The following ARHGEF3 variants were observed in gnomAD, a reference collection of about 807,000 sequenced individuals.
ARHGEF3 encodes 59.8 kDA protein.
ARHGEF3 carries 28 observed loss-of-function variants against 63.2 expected under a neutral mutation model. That is an observed-to-expected ratio of 0.44 (90% confidence interval 0.33 to 0.61). ARHGEF3 has a LOEUF of 0.61. Among genes scored for constraint, ARHGEF3 ranks in the 20% least tolerant of loss-of-function variants. The pLI, the probability that ARHGEF3 is intolerant of heterozygous loss-of-function variation, is 0.03. For synonymous variants in ARHGEF3, 266 were observed against 254.2 expected (o/e 1.05, Z -0.44); for missense variants, 533 against 659.3 (o/e 0.81, Z 2.10).
chr3:56,972,990 G>A (rs12492712), intron 2 of ARHGEF3, among the ~76,000 whole-genome samples: 1 of 151,336 alleles, frequency 6.6e-6, no homozygotes, highest in Non-Finnish European at 1.5e-5. Flanking sequence ...TGGGGGTGGT[G>A]AGGAGTAGTG....
intron 1 of ARHGEF3, among the ~76,000 whole-genome samples, chr3:57,042,727 C>A (rs1362619231): frequency 8.7e-6 from 1 of 115,198 alleles, no homozygotes; most frequent in Non-Finnish European, 1.7e-5. Context: ...GACGGAGTCT[C>A]GCTCTGTCGC....
At chr3:56,777,111 T>G (rs2036321967) in intron 1 of ARHGEF3, among the ~76,000 whole-genome samples, 1 of 152,238 alleles carries the variant, frequency 6.6e-6, no homozygotes, top group South Asian at 2.1e-4. Context: ...TTCTTGGTTC[T>G]ACAGTGATTA....
At chr3:56,924,252 T>C (rs2042222783) in intron 3 of ARHGEF3, among the ~76,000 whole-genome samples, 2 of 152,206 alleles carry the variant, frequency 1.3e-5, no homozygotes. Context: ...GAGAACTAGT[T>C]GCTTCCAAAT....
chr3:57,042,950 G>A (rs1704290505), intron 1 of ARHGEF3, among the ~76,000 whole-genome samples: 1 of 151,268 alleles, frequency 6.6e-6, no homozygotes, highest in African/African-American at 2.4e-5. Context: ...GCCCTCCTCA[G>A]CCTCCCAAAG....
intron 1 of ARHGEF3, among the ~76,000 whole-genome samples, chr3:57,058,050 G>A (rs768152702): frequency 2.0e-5 from 3 of 152,160 alleles, no homozygotes; most frequent in Non-Finnish European, 2.9e-5. Flanking sequence ...CCCTTCAGTC[G>A]TGTCCTTGCC....
chr3:57,001,508 C>T (rs1357438571), intron 2 of ARHGEF3, among the ~76,000 whole-genome samples: 1 of 152,152 alleles, frequency 6.6e-6, no homozygotes, highest in Non-Finnish European at 1.5e-5. Context: ...CAACACGTTC[C>T]CAAGTTGCAA....
At chr3:56,730,570 A>G (rs2033076663) in intron 9 of ARHGEF3, among the ~76,000 whole-genome samples, 1 of 151,986 alleles carries the variant, frequency 6.6e-6, no homozygotes, top group African/African-American at 2.4e-5. Context: ...TAGTAGAGAC[A>G]GGGTTTTGCC....
chr3:56,829,788 GC>G (rs1271242298), intron 4 of ARHGEF3, among the ~76,000 whole-genome samples: 1 of 152,178 alleles, frequency 6.6e-6, no homozygotes, highest in Non-Finnish European at 1.5e-5. Flanking sequence ...CAGGGAGAGA[GC>G]CCTCACCATC....
chr3:57,061,253 T>G (rs1705208556), intron 1 of ARHGEF3, among the ~76,000 whole-genome samples: 1 of 152,220 alleles, frequency 6.6e-6, no homozygotes, highest in African/African-American at 2.4e-5. Flanking sequence ...CATAATACTT[T>G]CATGGATCAG....
At chr3:57,013,017 GCGGAGGGTGCAC>G in intron 2 of ARHGEF3, among the ~76,000 whole-genome samples, 1 of 152,334 alleles carries the variant, frequency 6.6e-6, no homozygotes, top group Middle Eastern at 3.4e-3. Flanking sequence ...GGGCCAGGCT[GCGGAGGGTGCAC>G]CGGATCCCCC....
intron 2 of ARHGEF3, among the ~76,000 whole-genome samples, chr3:57,029,181 A>AAT (rs1703619022): frequency 1.3e-5 from 2 of 152,184 alleles, no homozygotes; most frequent in Admixed American, 6.5e-5. Flanking sequence ...CTGCAATCCC[A>AAT]CTACTTTGGG....
chr3:57,001,915 G>GTTTTTTTTTTTTTTTTTTTTTT lies in ARHGEF3; in HGVS notation c.62+33172_62+33173insAAAAAAAAAAAAAAAAAAAAAA, dbSNP rs1410825594. ...AAATCCTAAAACCCAAAGTGAGATAGTTTTTTTTTTTTTTGTTTTTTGTTT... is the reference window on the plus strand; with the variant it reads ...AAATCCTAAAACCCAAAGTGAGATAGTTTTTTTTTTTTTTTTTTTTTTTTTTTTTTTTTTTTGTTTTTTGTTT... On this transcript the variant is annotated intron_variant, in intron 2 of 12. Coordinates refer to the ARHGEF3 transcript ENST00000338458. Among the ~76,000 whole-genome samples, 20 of 53,718 alleles carry GTTTTTTTTTTTTTTTTTTTTTT rather than the reference G, an allele frequency of 3.7e-4. 10 individuals carry two copies. The highest frequency in any genetic ancestry group is 4.1e-4 in the Non-Finnish European group (12 of 29,174). The allele number at this position is 53,718 out of a possible 152,430, so 35.2% of individuals were successfully genotyped here.
rs1400558350 is a variant in ARHGEF3, at chr3:56,907,577, T to C, written c.130-25223A>G. Among the ~76,000 whole-genome samples the C allele has an allele frequency of 2.0e-5, 3 of 152,188 alleles. No individual in the cohort carries two copies. In the South Asian group the frequency reaches 6.2e-4, roughly 32 times the overall value. On this transcript the variant is annotated intron_variant, in intron 3 of 12. Coordinates refer to the ARHGEF3 transcript ENST00000338458. ...AATGACACATGCACATGTATGTTCG[T>C]TGTAGCACTATTCACAATAGCAAAG...
At chr3:56,945,331 C>T (rs374388922) in intron 3 of ARHGEF3, among the ~76,000 whole-genome samples, 14 of 152,096 alleles carry the variant, frequency 9.2e-5, no homozygotes, top group South Asian at 2.1e-4. Context: ...TTGCCTCACC[C>T]GGGAAGTGCA....
At chr3:56,793,002 T>C (rs528997792) in intron 1 of ARHGEF3, among the ~76,000 whole-genome samples, 1 of 151,916 alleles carries the variant, frequency 6.6e-6, no homozygotes, top group South Asian at 2.1e-4. Context: ...GTTTTTTTTT[T>C]TTTTTATTTT....
rs190828254 is a variant in ARHGEF3 at position 56,988,981 on chromosome 3, T to C, written c.63-30092A>G. On this transcript the variant is annotated intron_variant, in intron 2 of 12. Transcript: ENST00000338458. ...AGGTACCCTCTTGAGGACTCAAAGT[T>C]AAATTACAAATAGCTGGAAGACAAT... Among the ~76,000 whole-genome samples, 4 of 152,228 alleles carry C rather than the reference T, an allele frequency of 2.6e-5. No homozygotes were observed. In the East Asian group the frequency reaches 7.7e-4, roughly 29 times the overall value.
chr3:57,050,414 A>G (rs1364484814), intron 1 of ARHGEF3, among the ~76,000 whole-genome samples: 1 of 152,276 alleles, frequency 6.6e-6, no homozygotes, highest in Non-Finnish European at 1.5e-5. Context: ...CCAAGGCCAC[A>G]GAGCAGGGCA....
At chr3:56,733,989 A>G (rs2033417655) in intron 8 of ARHGEF3, among the ~76,000 whole-genome samples, 1 of 134,756 alleles carries the variant, frequency 7.4e-6, no homozygotes, top group African/African-American at 2.6e-5. Context: ...TGTCTCAAAA[A>G]AAAAAAAAAA....
chr3:56,836,300 C>T (rs906531224), intron 4 of ARHGEF3, among the ~76,000 whole-genome samples: 1 of 152,196 alleles, frequency 6.6e-6, no homozygotes, highest in Non-Finnish European at 1.5e-5. Flanking sequence ...TTCATACTTT[C>T]TTTGTGCACA....
Sources: allele counts gnomAD v4.1 joint callset (sites outside exome capture counted in the v4.1 genomes callset), GRCh38; gene constraint gnomAD v4.1.1; transcripts MANE v1.5; gene names NCBI Gene and HGNC (gene_info 2026-07-23, HGNC 2026-07-21).